Variants in TRPV4 observed in about 807,000 individuals in gnomAD.
TRPV4 encodes the protein transient receptor potential cation channel subfamily V member 4, also known as OSM9-like transient receptor potential channel 4.
A neutral mutation model predicts 84.1 loss-of-function variants in TRPV4; 58 were observed. The observed-to-expected ratio is 0.69, with a 90% CI of 0.56 to 0.86. The LOEUF (loss-of-function observed/expected upper bound fraction) is 0.86, where lower values mean the gene tolerates loss of function less well. Among genes scored for constraint, TRPV4 ranks in the 40% least tolerant of loss-of-function variants. The probability of loss-of-function intolerance (pLI) is 0.00; values close to 1 mark genes in which losing one functional copy is unlikely to be tolerated. For missense variants in TRPV4, 879 were observed against 1,181.1 expected, an observed-to-expected ratio of 0.74 and a Z score of 3.75; for synonymous variants, 489 against 500.9, an observed-to-expected ratio of 0.98 and a Z score of 0.32.
intron 14 of TRPV4, 43 bp from the exon 15 acceptor site, chr12:109,784,480 A>G (rs374567769): frequency 1.6e-5 from 26 of 1,613,774 alleles, no homozygotes; most frequent in Non-Finnish European, 2.2e-5. Flanking sequence ...CCCCTCAGAG[A>G]CGCTCTCCAT....
rs1182361929 is a variant in TRPV4 at position 109,815,804 on chromosome 12, A to C, written c.-31-977T>G. ...TATGACAAAGATGTCATTTGTTCCC[A>C]TTTCTCAGATGAGGAAGCAGCTTTC... On this transcript the variant is annotated intron_variant, in intron 1 of 15. Coordinates refer to ENST00000261740, the MANE Select transcript of TRPV4 (RefSeq NM_021625.5). The surrounding 1 kb of genome is among the most constrained non-coding windows in gnomAD (Gnocchi z 4.1). 6.6e-6 allele frequency among the ~76,000 whole-genome samples: 1 copy of C among 152,216 alleles called. No homozygotes were observed. Among genetic ancestry groups the C allele is most frequent in the Non-Finnish European group, 1.5e-5 (1 of 68,034 alleles).
In TRPV4 at chr12:109,793,802, A is replaced by G. The variant is rs916328443; in HGVS notation, c.1584+128T>C. 1 of 872,954 alleles carries G rather than the reference A, an allele frequency of 1.1e-6. No homozygotes were observed. The highest frequency in any genetic ancestry group is 1.7e-5 in the African/African-American group (1 of 59,906). The allele number at this position is 872,954 out of a possible 1,614,324, so 54.1% of individuals were successfully genotyped here. On this transcript the variant is annotated intron_variant, in intron 9 of 15. Coordinates refer to ENST00000261740, the MANE Select transcript of TRPV4 (RefSeq NM_021625.5). This position sits in a 1 kb window ranked among gnomAD's most constrained non-coding sequence, Gnocchi z 4.0. ...GAGGAGGTAGAAGAGAAATGGGAAAATAAAAGGAGGAAGGAAAGGAGAAGG... is the reference window on the plus strand; with the variant it reads ...GAGGAGGTAGAAGAGAAATGGGAAAGTAAAAGGAGGAAGGAAAGGAGAAGG...
At position 109,814,515 on chromosome 12, in the gene TRPV4, C is replaced by T. The variant is rs1215886840; in HGVS notation, c.282G>A (p.Ser94=). 11 of 1,614,036 alleles carry T rather than the reference C, an allele frequency of 6.8e-6. No individual in the cohort carries two copies. Among genetic ancestry groups the T allele is most frequent in the East Asian group, 2.2e-5 (1 of 44,884 alleles). Reference sequence around the variant, plus strand: ...GTGCTTTCTTGGGCCCAGGCACCACCGAGGACTCATATAGGGTGGACTCCA... The same window carrying T: ...GTGCTTTCTTGGGCCCAGGCACCACTGAGGACTCATATAGGGTGGACTCCA... ...DLLESTLYES[S]VVPGPKKAPM... Residue 94 remains serine, a synonymous_variant, in exon 2 of 16, where the codon TCG becomes TCA. Transcript: ENST00000261740. This position sits in a 1 kb window ranked among gnomAD's most constrained non-coding sequence, Gnocchi z 5.4.
In TRPV4 at chr12:109,796,579, C is replaced by G; in HGVS notation, c.1278G>C (p.Thr426=). The change falls in exon 7 of 16, where the codon ACG becomes ACC. Residue 426 remains threonine, a synonymous_variant. Coordinates refer to ENST00000261740, the MANE Select transcript of TRPV4 (RefSeq NM_021625.5). The surrounding 1 kb of genome is among the most constrained non-coding windows in gnomAD (Gnocchi z 4.2). ...CCAGCACGGAGGCCTCTTCCCCACA[C>G]GTGTCCAGGGAGGAGAGGTCATAAA... ...SSLYDLSSLD[T]CGEEASVLEI... is the part of the protein sequence containing the mutation. The G allele has an allele frequency of 6.2e-7, 1 of 1,614,200 alleles. No homozygotes were observed. Among genetic ancestry groups the G allele is most frequent in the Non-Finnish European group, 8.5e-7 (1 of 1,180,028 alleles).
Position 109,793,696 on chromosome 12 carries a change from A to C in TRPV4, c.1585-96T>G. 2 of 1,076,642 alleles carry C rather than the reference A, an allele frequency of 1.9e-6. No individual in the cohort carries two copies. Among genetic ancestry groups the C allele is most frequent in the South Asian group, 2.6e-5 (2 of 78,272 alleles). The allele number at this position is 1,076,642 out of a possible 1,614,324, so 66.7% of individuals were successfully genotyped here. A position where few individuals can be genotyped will look rare whatever the true frequency, so the allele number is the denominator to read the frequency against. On this transcript the variant is annotated intron_variant, in intron 9 of 15. Transcript: ENST00000261740. This position sits in a 1 kb window ranked among gnomAD's most constrained non-coding sequence, Gnocchi z 4.0. The stretch of plus-strand genomic sequence containing the variant: ...AGAAAGGGATAGAAGAGAGGGAGGC[A>C]GAGGCTGGTACAGAGAAAAGACAAA...
Position 109,793,752 on chromosome 12 carries a change from A to G in TRPV4, c.1585-152T>C. On this transcript the variant is annotated intron_variant, in intron 9 of 15. Transcript: ENST00000261740. The surrounding 1 kb of genome is among the most constrained non-coding windows in gnomAD (Gnocchi z 4.0). ...CTTTCCTGTTAGAAAAGGAGAAAAA[A>G]GCAGAGATGGAGAACGTGGGATTGG... 1.1e-6 allele frequency: 1 copy of G among 874,662 alleles called. No individual in the cohort carries two copies. 54.2% of individuals were successfully genotyped at this position (874,662 alleles called of 1,614,324 possible).
chr12:109,802,592 G>A (rs968620303), intron 4 of TRPV4, among the ~76,000 whole-genome samples: 1 of 149,506 alleles, frequency 6.7e-6, no homozygotes, highest in South Asian at 2.2e-4. Flanking sequence ...GTGAGCCACC[G>A]CACCTGGCCT....
chr12:109,788,688 G>T lies in TRPV4; in HGVS notation c.1920C>A (p.Ala640=), dbSNP rs1186758881. 6.2e-7 allele frequency: 1 copy of T among 1,614,068 alleles called. No homozygotes were observed. The highest frequency in any genetic ancestry group is 8.5e-7 in the Non-Finnish European group (1 of 1,180,054). The change falls in exon 13 of 16, where the codon GCC becomes GCA. Residue 640 remains alanine, a synonymous_variant. Coordinates refer to ENST00000261740, the MANE Select transcript of TRPV4 (RefSeq NM_021625.5). ...SALVSLLNPC[A]NMKVCNEDQT... is the part of the protein sequence containing the mutation. Reference sequence around the variant, plus strand: ...GGTCCTCATTGCACACCTTCATGTTGGCACACGGGTTCAGGAGGGAGACCA... The same window carrying T: ...GGTCCTCATTGCACACCTTCATGTTTGCACACGGGTTCAGGAGGGAGACCA...
At chr12:109,806,357 G>GT (rs1477670776) in intron 3 of TRPV4, among the ~76,000 whole-genome samples, 6 of 115,078 alleles carry the variant, frequency 5.2e-5, no homozygotes, top group East Asian at 2.3e-4. Context: ...ACTAAGCCTG[G>GT]CTTTTTTTTT....
At chr12:109,821,105 C>T (rs1164550848) in intron 1 of TRPV4, among the ~76,000 whole-genome samples, 2 of 152,250 alleles carry the variant, frequency 1.3e-5, no homozygotes, top group Non-Finnish European at 1.5e-5. Flanking sequence ...CTCCTGATTA[C>T]GTGACCAAGG....
At chr12:109,828,557 C>G (rs1202555299) in intron 1 of TRPV4, among the ~76,000 whole-genome samples, 2 of 152,228 alleles carry the variant, frequency 1.3e-5, no homozygotes, top group Non-Finnish European at 2.9e-5. Flanking sequence ...TGGCAGAGCT[C>G]TGACCTCAGC....
At chr12:109,811,611 T>A (rs1247556363) in intron 2 of TRPV4, among the ~76,000 whole-genome samples, 1 of 147,162 alleles carries the variant, frequency 6.8e-6, no homozygotes, top group African/African-American at 2.5e-5. Flanking sequence ...TAAGCCAAGA[T>A]AGCGCCACTG....
At chr12:109,802,547 C>T (rs1300062846) in intron 4 of TRPV4, among the ~76,000 whole-genome samples, 1 of 152,078 alleles carries the variant, frequency 6.6e-6, no homozygotes, top group Non-Finnish European at 1.5e-5. Flanking sequence ...AGTGATCTGC[C>T]CACCTCAGCC....
intron 1 of TRPV4, among the ~76,000 whole-genome samples, chr12:109,830,302 C>T (rs772928522): frequency 2.0e-5 from 3 of 152,216 alleles, no homozygotes; most frequent in Non-Finnish European, 4.4e-5. Context: ...GAGATTTCAC[C>T]CTCTAGACCT....
chr12:109,784,673 T>A (rs990755092), intron 14 of TRPV4, among the ~76,000 whole-genome samples: 4 of 150,442 alleles, frequency 2.7e-5, no homozygotes, highest in Admixed American at 2.0e-4. Flanking sequence ...CTACTAAAAA[T>A]TAAAAAAAAT....
chr12:109,829,152 A>G (rs947108346), intron 1 of TRPV4, among the ~76,000 whole-genome samples: 1 of 152,172 alleles, frequency 6.6e-6, no homozygotes, highest in African/African-American at 2.4e-5. Flanking sequence ...AGCCTGAGCA[A>G]CAGACTGAGA....
At chr12:109,818,187 C>T (rs1015906647) in intron 1 of TRPV4, among the ~76,000 whole-genome samples, 1 of 152,132 alleles carries the variant, frequency 6.6e-6, no homozygotes, top group Non-Finnish European at 1.5e-5. Context: ...GGGAGCCATC[C>T]TCACCCTCAA....
At chr12:109,830,726 G>T (rs754514819) in intron 1 of TRPV4, among the ~76,000 whole-genome samples, 4 of 152,110 alleles carry the variant, frequency 2.6e-5, no homozygotes, top group Non-Finnish European at 5.9e-5. Context: ...CAGACAGCAG[G>T]GTCAAGGGCC....
In TRPV4 at chr12:109,814,631, G is replaced by A. The variant is rs775092573; in HGVS notation, c.166C>T (p.Arg56Cys). The change falls in exon 2 of 16, where the codon CGC becomes TGC. Residue 56 changes from arginine (R) to cysteine (C), a missense_variant. By Grantham distance (180) the Arg-to-Cys change is radical (BLOSUM62 -3). This residue lies in a region of TRPV4 where 107 missense variants were observed against 99.4 expected (regional missense o/e 1.08). Coordinates refer to ENST00000261740, the MANE Select transcript of TRPV4 (RefSeq NM_021625.5). The surrounding 1 kb of genome is among the most constrained non-coding windows in gnomAD (Gnocchi z 5.4). Reference sequence around the variant, plus strand: ...CGCCCATCGCCTGGGCCAGCAGGGCGACTGGCATCAGCCGGTGAGGGCGAA... The same window carrying A: ...CGCCCATCGCCTGGGCCAGCAGGGCAACTGGCATCAGCCGGTGAGGGCGAA... ...SLSPSPADAS[R>C]PAGPGDGRPN... 8 of 1,613,874 alleles carry A rather than the reference G, an allele frequency of 5.0e-6. No individual in the cohort carries two copies. The Admixed American group carries it at 5.0e-5, about 10-fold the overall frequency.
Sources: gnomAD v4.1 joint callset for allele counts (sites outside exome capture counted in the v4.1 genomes callset) on GRCh38, gnomAD v4.1.1 for gene constraint, gnomAD v4.1.1 regional missense constraint, Gnocchi (gnomAD v3.1) non-coding constraint, MANE v1.5 for transcripts, NCBI Gene and HGNC (gene_info 2026-07-23, HGNC 2026-07-21) for gene names.